MACROD2: variants seen among roughly 807,000 people sequenced by gnomAD.
MACROD2 encodes ADP-ribose glycohydrolase MACROD2.
MACROD2 carries 36 observed loss-of-function variants against 70.4 expected under a neutral mutation model. The ratio of observed to expected loss-of-function variants is 0.51; its 90% confidence interval spans 0.39 to 0.68. The LOEUF (loss-of-function observed/expected upper bound fraction) is 0.68, where lower values mean the gene tolerates loss of function less well. Among genes scored for constraint, MACROD2 ranks in the 30% least tolerant of loss-of-function variants. MACROD2 has a pLI of 0.00. For missense variants in MACROD2, 496 were observed against 538.4 expected (o/e 0.92, Z 0.78); for synonymous variants, 172 against 178.8 (o/e 0.96, Z 0.30).
At chr20:15,847,440 C>T (rs777491672) in intron 8 of MACROD2, among the ~76,000 whole-genome samples, 16 of 152,232 alleles carry the variant, frequency 1.1e-4, no homozygotes, top group East Asian at 7.7e-4. Flanking sequence ...ACAGCACAAA[C>T]GCAAATAAAG....
intron 15 of MACROD2, among the ~76,000 whole-genome samples, chr20:16,002,835 T>G (rs1268646089): frequency 6.6e-6 from 1 of 152,198 alleles, no homozygotes; most frequent in African/African-American, 2.4e-5. Context: ...CTCTAGTATT[T>G]CGCATCCAAA....
At chr20:15,869,556 A>T (rs2064551400) in intron 9 of MACROD2, among the ~76,000 whole-genome samples, 1 of 151,994 alleles carries the variant, frequency 6.6e-6, no homozygotes, top group Non-Finnish European at 1.5e-5. Flanking sequence ...AAATTGCAAG[A>T]AGTTTGTATG....
chr20:14,177,890 A>T, intron 3 of MACROD2, among the ~76,000 whole-genome samples: 1 of 152,200 alleles, frequency 6.6e-6, no homozygotes, highest in African/African-American at 2.4e-5. Context: ...AAATAAAACC[A>T]TACAAGCACT....
At chr20:14,580,092 T>C (rs766214129) in intron 4 of MACROD2, among the ~76,000 whole-genome samples, 12 of 152,132 alleles carry the variant, frequency 7.9e-5, no homozygotes, top group Non-Finnish European at 1.0e-4. Context: ...TCAAAGCAGG[T>C]TGATTAGAGG....
intron 5 of MACROD2, among the ~76,000 whole-genome samples, chr20:15,022,060 T>C (rs1232273364): frequency 6.6e-6 from 1 of 152,206 alleles, no homozygotes; most frequent in African/African-American, 2.4e-5. Flanking sequence ...CTACTGTGCA[T>C]GCAAACAAGC....
At chr20:14,566,073 A>C (rs1192598788) in intron 4 of MACROD2, among the ~76,000 whole-genome samples, 1 of 151,986 alleles carries the variant, frequency 6.6e-6, no homozygotes, top group African/African-American at 2.4e-5. Context: ...AAAATAGATA[A>C]ATTGGATGAC....
chr20:14,869,079 A>AAGCACAGGTCCTGTGCAAT (rs1246995861), intron 5 of MACROD2, among the ~76,000 whole-genome samples: 3 of 152,190 alleles, frequency 2.0e-5, no homozygotes, highest in African/African-American at 4.8e-5. Context: ...GGCCCTTTCT[A>AAGCACAGGTCCTGTGCAAT]AGCACAGGTC....
chr20:15,351,712 A>G (rs1238384726), intron 6 of MACROD2, among the ~76,000 whole-genome samples: 1 of 152,192 alleles, frequency 6.6e-6, no homozygotes, highest in African/African-American at 2.4e-5. Context: ...TGCAGTTGGT[A>G]TTAGAAGTGA....
At chr20:14,893,227 T>A (rs2073785213) in intron 5 of MACROD2, 5 of 152,180 alleles carry the variant, frequency 3.3e-5, no homozygotes, top group Admixed American at 3.3e-4. Context: ...CTTCCACCCC[T>A]TGGTTCTTGT....
At chr20:14,020,856 C>T (rs528991446) in intron 2 of MACROD2, among the ~76,000 whole-genome samples, 6 of 152,244 alleles carry the variant, frequency 3.9e-5, no homozygotes, top group Non-Finnish European at 7.4e-5. Flanking sequence ...ATGGGTTACT[C>T]TTTCATCTCT....
chr20:14,562,219 G>C (rs574942839), intron 4 of MACROD2, among the ~76,000 whole-genome samples: 1 of 151,706 alleles, frequency 6.6e-6, no homozygotes, highest in Admixed American at 6.6e-5. Flanking sequence ...TCATGATCTC[G>C]TCTACATGGA....
chr20:14,679,280 A>T (rs149104152), intron 4 of MACROD2, among the ~76,000 whole-genome samples: 4 of 152,182 alleles, frequency 2.6e-5, no homozygotes, highest in Non-Finnish European at 1.5e-5. Flanking sequence ...ATAGAAATTG[A>T]AAAATGGGAA....
intron 3 of MACROD2, among the ~76,000 whole-genome samples, chr20:14,475,933 G>A (rs937789308): frequency 6.6e-6 from 1 of 151,880 alleles, no homozygotes; most frequent in East Asian, 1.9e-4. Context: ...AAACTTTCCT[G>A]TACCTGAATA....
intron 6 of MACROD2, among the ~76,000 whole-genome samples, chr20:15,268,029 G>A (rs2146059954): frequency 6.6e-6 from 1 of 152,284 alleles, no homozygotes; most frequent in East Asian, 1.9e-4. Context: ...GCTGAACTGA[G>A]GAGAAAGTCC....
intron 5 of MACROD2, among the ~76,000 whole-genome samples, chr20:14,830,272 C>T (rs1319138133): frequency 6.6e-6 from 1 of 151,936 alleles, no homozygotes; most frequent in African/African-American, 2.4e-5. Context: ...GGTAATTGGG[C>T]TGTGTTATGT....
Position 16,049,830 on chromosome 20 carries a change from C to G in MACROD2, c.1301C>G (p.Ala434Gly). The part of the protein sequence containing the change: ...TESQQEDQLI[A>G]GAQDEAKEQR... The stretch of plus-strand genomic sequence containing the variant: ...ACAAATGGCTTCTCTTTGTCTTCAG[C>G]AGGGGCACAAGATGAAGCGAAGGAA... Residue 434 changes from alanine to glycine, a missense_variant and splice_region_variant, in exon 18 of 18, where the codon GCA (alanine) becomes GGA (glycine). Ala to Gly is a moderately conservative substitution (Grantham distance 60). Coordinates refer to ENST00000684519, the MANE Select transcript of MACROD2 (RefSeq NM_001351661.2). 1 of 1,612,822 alleles carries G rather than the reference C, an allele frequency of 6.2e-7. No individual in the cohort carries two copies. Among genetic ancestry groups the G allele is most frequent in the Non-Finnish European group, 8.5e-7 (1 of 1,179,364 alleles).
At chr20:15,326,336 A>T (rs2077928663) in intron 6 of MACROD2, among the ~76,000 whole-genome samples, 1 of 152,124 alleles carries the variant, frequency 6.6e-6, no homozygotes, top group Non-Finnish European at 1.5e-5. Flanking sequence ...CTCCCCAGGC[A>T]TTCATAGATA....
chr20:15,642,887 A>T (rs1218021334), intron 8 of MACROD2, among the ~76,000 whole-genome samples: 1 of 152,058 alleles, frequency 6.6e-6, no homozygotes, highest in Non-Finnish European at 1.5e-5. Flanking sequence ...GACTCATGGG[A>T]CAAGATTACT....
chr20:15,657,818 C>T (rs1275577490), intron 8 of MACROD2, among the ~76,000 whole-genome samples: 1 of 152,086 alleles, frequency 6.6e-6, no homozygotes, highest in Non-Finnish European at 1.5e-5. Context: ...CATGGTGAAA[C>T]CCCATGTCTA....
Sources: allele counts gnomAD v4.1 joint callset (sites outside exome capture counted in the v4.1 genomes callset), GRCh38; gene constraint gnomAD v4.1.1; transcripts MANE v1.5; gene names NCBI Gene and HGNC (gene_info 2026-07-23, HGNC 2026-07-21).